The following NEK6 variants were observed in gnomAD, a reference collection of about 807,000 sequenced individuals.
NEK6 encodes NIMA related kinase 6.
A neutral mutation model predicts 43.5 loss-of-function variants in NEK6; 27 were observed. The ratio of observed to expected loss-of-function variants is 0.62; its 90% CI spans 0.46 to 0.86. NEK6 has a LOEUF of 0.86. Among genes scored for constraint, NEK6 ranks in the 40% least tolerant of loss-of-function variants. The pLI, the probability that NEK6 is intolerant of heterozygous loss-of-function variation, is 0.00. For synonymous variants in NEK6, 167 were observed against 164.1 expected (o/e 1.02, Z -0.14); for missense variants, 318 against 414.4 (o/e 0.77, Z 2.02).
chr9:124,340,660 T>G (rs7851278), intron 8 of NEK6, among the ~76,000 whole-genome samples: 73,073 of 152,080 alleles, frequency 0.48, 18,327 homozygotes, highest in Non-Finnish European at 0.56. Flanking sequence ...TGGAGCTGAC[T>G]TGAGCAGATG....
In NEK6 at chr9:124,326,327, C is replaced by T; in HGVS notation, c.406-3C>T. On this transcript the variant is annotated splice_polypyrimidine_tract_variant and splice_region_variant and intron_variant, in intron 5 of 9. Transcript: ENST00000320246. This position sits in a 1 kb window ranked among gnomAD's most constrained non-coding sequence, Gnocchi z 4.5. ...ATCCCTCTGCTTGTCTCCCCCACTG[C>T]AGTACTTTAAGAAGCAGAAGCGGCT... The T allele has an allele frequency of 6.2e-7, 1 of 1,607,822 alleles. No homozygotes were observed.
intron 1 of NEK6, among the ~76,000 whole-genome samples, chr9:124,283,602 C>T (rs1271398303): frequency 3.9e-5 from 6 of 152,194 alleles, no homozygotes; most frequent in African/African-American, 1.4e-4. Flanking sequence ...CCTTACCAGC[C>T]ATGTGCAGGT....
chr9:124,328,492 C>A (rs1055041683), intron 7 of NEK6, among the ~76,000 whole-genome samples: 2 of 152,172 alleles, frequency 1.3e-5, no homozygotes, highest in African/African-American at 4.8e-5. Context: ...CATCCGCTTC[C>A]CCAGGAGGGG....
chr9:124,311,722 C>T (rs572945783), intron 2 of NEK6, among the ~76,000 whole-genome samples: 2 of 152,336 alleles, frequency 1.3e-5, no homozygotes, highest in African/African-American at 4.8e-5. Context: ...GGGACAGAGT[C>T]TCCATCACCC....
intron 8 of NEK6, among the ~76,000 whole-genome samples, chr9:124,346,922 T>G (rs1829959707): frequency 6.6e-6 from 1 of 152,198 alleles, no homozygotes; most frequent in Non-Finnish European, 1.5e-5. Flanking sequence ...TGGTGCCTCC[T>G]CCGTGTGCCA....
chr9:124,279,202 G>A (rs974638427), intron 1 of NEK6, among the ~76,000 whole-genome samples: 1 of 152,052 alleles, frequency 6.6e-6, no homozygotes, highest in Non-Finnish European at 1.5e-5. Context: ...GGGCAAACAG[G>A]GCAGGGAGCT....
rs775980358 is a variant in NEK6 at position 124,346,237 on chromosome 9, A to T, written c.718-1472A>T. 4.6e-4 allele frequency among the ~76,000 whole-genome samples: 70 copies of T among 152,168 alleles called. 1 individual carries two copies. Among genetic ancestry groups the T allele is most frequent in the Non-Finnish European group, 9.1e-4 (62 of 68,028 alleles). ...AGCAGCTTCCCCAAAGGCCATCTGC[A>T]AACCCAAGGATGGTGCCAGGCTCTG... On this transcript the variant is annotated intron_variant, in intron 8 of 9. Coordinates refer to ENST00000320246, the MANE Select transcript of NEK6 (RefSeq NM_014397.6).
At chr9:124,314,072 T>G in intron 4 of NEK6, 87 bp downstream of exon 4, 1 of 1,219,560 alleles carries the variant, frequency 8.2e-7, no homozygotes, top group Non-Finnish European at 1.2e-6. Context: ...ATCACAGCCC[T>G]TGGGTGCCAG....
chr9:124,270,534 C>A (rs934358901), intron 1 of NEK6, among the ~76,000 whole-genome samples: 1 of 151,094 alleles, frequency 6.6e-6, no homozygotes, highest in Non-Finnish European at 1.5e-5. Context: ...AAAAAAAAAA[C>A]ACAAAAGTTT....
At chr9:124,318,670 A>T (rs890420342) in intron 4 of NEK6, among the ~76,000 whole-genome samples, 2 of 151,236 alleles carry the variant, frequency 1.3e-5, no homozygotes, top group Admixed American at 6.6e-5. Context: ...TTTTATTTTT[A>T]TTTATTTATT....
At chr9:124,304,155 G>A (rs761498726) in intron 2 of NEK6, among the ~76,000 whole-genome samples, 6 of 152,378 alleles carry the variant, frequency 3.9e-5, no homozygotes, top group East Asian at 1.9e-4. Flanking sequence ...CCCATGTGCC[G>A]TGCCGGCTCC....
At chr9:124,273,811 T>G (rs547434681) in intron 1 of NEK6, among the ~76,000 whole-genome samples, 2 of 152,244 alleles carry the variant, frequency 1.3e-5, no homozygotes, top group South Asian at 2.1e-4. Flanking sequence ...TACGGGTTTT[T>G]TTGTTGTTGT....
chr9:124,280,426 G>T (rs773013511), intron 1 of NEK6, among the ~76,000 whole-genome samples: 1 of 152,240 alleles, frequency 6.6e-6, no homozygotes, highest in East Asian at 1.9e-4. Flanking sequence ...TCCCAGCCGA[G>T]CACTCCAGGA....
intron 1 of NEK6, chr9:124,261,576 G>A (rs753547379): frequency 6.9e-5 from 68 of 985,268 alleles, no homozygotes; most frequent in Non-Finnish European, 8.1e-5. Flanking sequence ...CAGCGAGATC[G>A]CTTGTAGGTA....
chr9:124,298,441 A>G (rs1832804755), intron 1 of NEK6, among the ~76,000 whole-genome samples: 1 of 151,992 alleles, frequency 6.6e-6, no homozygotes. Context: ...ACTGGGGTAG[A>G]CAGTGGTGCT....
chr9:124,315,114 G>T (rs1280797022), intron 4 of NEK6, among the ~76,000 whole-genome samples: 1 of 152,236 alleles, frequency 6.6e-6, no homozygotes, highest in Non-Finnish European at 1.5e-5. Context: ...CCCTGCTCTT[G>T]GGGACTTCCA....
At chr9:124,340,940 T>G (rs938530217) in intron 8 of NEK6, among the ~76,000 whole-genome samples, 3 of 152,254 alleles carry the variant, frequency 2.0e-5, no homozygotes, top group South Asian at 2.1e-4. Context: ...GGGGGTCTTG[T>G]GGCCAGGGTC....
intron 8 of NEK6, among the ~76,000 whole-genome samples, chr9:124,347,026 A>T (rs1208089571): frequency 6.6e-6 from 1 of 152,200 alleles, no homozygotes. Context: ...TGGGGTCGGG[A>T]CAGAGCTAGG....
At chr9:124,330,235 G>A (rs1040789951) in intron 7 of NEK6, among the ~76,000 whole-genome samples, 12 of 152,226 alleles carry the variant, frequency 7.9e-5, no homozygotes, top group Admixed American at 5.9e-4. Flanking sequence ...CAGAATGAGC[G>A]TCAGACGAAT....
Sources: allele counts gnomAD v4.1 joint callset (sites outside exome capture counted in the v4.1 genomes callset), GRCh38; gene constraint gnomAD v4.1.1; non-coding constraint Gnocchi (gnomAD v3.1); transcripts MANE v1.5; gene names NCBI Gene and HGNC (gene_info 2026-07-23, HGNC 2026-07-21).